Variants in BBS9 observed in about 807,000 individuals in gnomAD.
BBS9 encodes the protein Bardet-Biedl syndrome 9.
A neutral mutation model predicts 117.7 loss-of-function variants in BBS9; 89 were observed. That is an observed-to-expected ratio of 0.76 (90% CI 0.64 to 0.90). The LOEUF is 0.90. Ranked by LOEUF, BBS9 falls within the 40% of genes least tolerant of loss-of-function variation. The pLI, the probability that BBS9 is intolerant of heterozygous loss-of-function variation, is 0.00. For synonymous variants in BBS9, 379 were observed against 370.9 expected (o/e 1.02, Z -0.25); for missense variants, 982 against 1,042.2 (o/e 0.94, Z 0.80).
intron 2 of BBS9, among the ~76,000 whole-genome samples, chr7:33,151,213 C>T (rs1440232064): frequency 6.6e-6 from 1 of 151,912 alleles, no homozygotes; most frequent in African/African-American, 2.4e-5. Flanking sequence ...GATTGCATCA[C>T]TGTACTCAAG....
intron 9 of BBS9, among the ~76,000 whole-genome samples, chr7:33,296,934 C>A (rs887538092): frequency 2.6e-5 from 4 of 152,134 alleles, no homozygotes; most frequent in African/African-American, 9.7e-5. Flanking sequence ...AACATTTACT[C>A]TTCAAAGGAA....
intron 21 of BBS9, among the ~76,000 whole-genome samples, chr7:33,616,602 A>T (rs1865150816): frequency 6.6e-6 from 1 of 151,202 alleles, no homozygotes; most frequent in South Asian, 2.1e-4. Flanking sequence ...ATAGGAAAAA[A>T]AATGGGGGGT....
At chr7:33,320,910 A>G (rs1811577017) in intron 9 of BBS9, among the ~76,000 whole-genome samples, 1 of 152,010 alleles carries the variant, frequency 6.6e-6, no homozygotes, top group Admixed American at 6.6e-5. Flanking sequence ...ATTTTTGTAC[A>G]TGGGGAGAGG....
intron 5 of BBS9, among the ~76,000 whole-genome samples, chr7:33,233,281 C>G (rs1402860481): frequency 1.3e-5 from 2 of 151,776 alleles, no homozygotes; most frequent in African/African-American, 2.4e-5. Context: ...TTTATTTTCT[C>G]TTAGAATGTA....
At chr7:33,590,286 G>C (rs1487526561) in intron 21 of BBS9, among the ~76,000 whole-genome samples, 1 of 152,030 alleles carries the variant, frequency 6.6e-6, no homozygotes, top group African/African-American at 2.4e-5. Flanking sequence ...GCTGCTAAGA[G>C]GAGCAAAGAA....
rs187376836 is a variant in BBS9 at position 33,380,071 on chromosome 7, C to T, written c.1790-3595C>T. ...TGTTCCTAGTGCAGGAGCAGCTGCA[C>T]GGGAGCTGGAGGAGCTGATGACTAG... On this transcript the variant is annotated intron_variant, in intron 17 of 22. Coordinates refer to ENST00000242067, the MANE Select transcript of BBS9 (RefSeq NM_198428.3). 758 of 154,992 alleles carry T rather than the reference C, an allele frequency of 4.9e-3. 10 individuals carry two copies. Among genetic ancestry groups the T allele is most frequent in the African/African-American group, 0.017 (711 of 41,596 alleles). 9.6% of individuals were successfully genotyped at this position (154,992 alleles called of 1,614,324 possible).
intron 17 of BBS9, chr7:33,380,633 T>G (rs1369124384): frequency 6.6e-6 from 1 of 152,180 alleles, no homozygotes; most frequent in African/African-American, 2.4e-5. Flanking sequence ...ATTGTGGCAG[T>G]GCCAATATAT....
intron 4 of BBS9, among the ~76,000 whole-genome samples, chr7:33,161,741 T>G (rs1421859012): frequency 6.6e-6 from 1 of 152,206 alleles, no homozygotes; most frequent in East Asian, 1.9e-4. Flanking sequence ...CCACCAACAG[T>G]GTGAAAGCAT....
chr7:33,208,984 T>C (rs1787499291), intron 5 of BBS9, among the ~76,000 whole-genome samples: 1 of 152,230 alleles, frequency 6.6e-6, no homozygotes, highest in South Asian at 2.1e-4. Flanking sequence ...TATTTAAAAA[T>C]GTACAATTAA....
chr7:33,152,908 G>A, intron 3 of BBS9, 57 bp downstream of exon 3: 2 of 1,553,306 alleles, frequency 1.3e-6, no homozygotes, highest in Non-Finnish European at 1.8e-6. Context: ...CCTTTACAGT[G>A]TCACTTTTGT....
chr7:33,138,399 G>GT (rs1790894611), intron 1 of BBS9, among the ~76,000 whole-genome samples: 1 of 151,178 alleles, frequency 6.6e-6, no homozygotes, highest in Non-Finnish European at 1.5e-5. Context: ...AGGCAATCAG[G>GT]TATCAGTTAC....
At chr7:33,590,460 T>TG (rs1554551705) in intron 21 of BBS9, among the ~76,000 whole-genome samples, 1 of 73,704 alleles carries the variant, frequency 1.4e-5, no homozygotes, top group Non-Finnish European at 2.6e-5. Context: ...TGTTTTTTTG[T>TG]TTTTTTTTTT....
intron 20 of BBS9, among the ~76,000 whole-genome samples, chr7:33,531,579 C>G (rs1850586247): frequency 6.6e-6 from 1 of 152,140 alleles, no homozygotes; most frequent in Non-Finnish European, 1.5e-5. Context: ...AAACTTGAAA[C>G]TCAGTTTATA....
intron 19 of BBS9, among the ~76,000 whole-genome samples, chr7:33,489,645 T>C (rs1843634104): frequency 6.6e-6 from 1 of 152,162 alleles, no homozygotes; most frequent in African/African-American, 2.4e-5. Context: ...TTTTTGATCA[T>C]CAAATCATAA....
At chr7:33,535,188 C>T (rs1000845515) in intron 21 of BBS9, among the ~76,000 whole-genome samples, 3 of 152,184 alleles carry the variant, frequency 2.0e-5, no homozygotes, top group Non-Finnish European at 4.4e-5. Context: ...TCCATTACTA[C>T]TTATATGACC....
intron 21 of BBS9, among the ~76,000 whole-genome samples, chr7:33,587,152 A>G (rs1341318265): frequency 6.6e-6 from 1 of 152,062 alleles, no homozygotes; most frequent in Non-Finnish European, 1.5e-5. Context: ...TATGATGTCA[A>G]TGGAACAGCT....
chr7:33,318,656 T>C (rs553370571), intron 9 of BBS9, among the ~76,000 whole-genome samples: 6 of 152,252 alleles, frequency 3.9e-5, no homozygotes, highest in Admixed American at 3.9e-4. Context: ...TAGTGGTGAT[T>C]TGTGAGATTT....
At chr7:33,635,322 A>G (rs915766075) in exon 22 of BBS9, among the ~76,000 whole-genome samples, 12 of 152,178 alleles carry the variant, frequency 7.9e-5, no homozygotes, top group African/African-American at 2.9e-4. Context: ...GGGACAGGCC[A>G]ATGGAGAAGG....
chr7:33,577,968 G>A (rs1196966109), intron 21 of BBS9, among the ~76,000 whole-genome samples: 1 of 152,116 alleles, frequency 6.6e-6, no homozygotes, highest in African/African-American at 2.4e-5. Context: ...GAGTTGATGG[G>A]TGCAGCAAAC....
Sources: allele counts gnomAD v4.1 joint callset (sites outside exome capture counted in the v4.1 genomes callset), GRCh38; gene constraint gnomAD v4.1.1; transcripts MANE v1.5; gene names NCBI Gene and HGNC (gene_info 2026-07-23, HGNC 2026-07-21).